The following MAGI1 variants were observed in gnomAD, a reference collection of about 807,000 sequenced individuals.
The protein encoded by MAGI1 is membrane-associated guanylate kinase, WW and PDZ domain-containing protein 1.
A neutral mutation model predicts 139.9 loss-of-function variants in MAGI1; 58 were observed. That is an observed-to-expected ratio of 0.41 (90% CI 0.34 to 0.52). The LOEUF (loss-of-function observed/expected upper bound fraction) is 0.52. Among genes scored for constraint, MAGI1 ranks in the 20% least tolerant of loss-of-function variants. The probability of loss-of-function intolerance (pLI) is 0.12; values close to 1 mark genes in which losing one functional copy is unlikely to be tolerated. For synonymous variants in MAGI1, 812 were observed against 737.9 expected (o/e 1.10, Z -1.63); for missense variants, 1,874 against 1,901.6 (o/e 0.99, Z 0.27).
At chr3:65,872,913 G>A (rs1244989309) in intron 1 of MAGI1, 1 of 152,178 alleles carries the variant, frequency 6.6e-6, no homozygotes, top group East Asian at 1.9e-4. Context: ...TAAGAGGAGA[G>A]CACTGAGTGG....
chr3:65,931,055 T>C (rs944007717), intron 1 of MAGI1, among the ~76,000 whole-genome samples: 9 of 150,922 alleles, frequency 6.0e-5, no homozygotes, highest in Non-Finnish European at 1.5e-5. Context: ...TTTTTTGAGA[T>C]AGAGCCTCAC....
At chr3:66,025,291 C>T (rs945518048) in intron 1 of MAGI1, among the ~76,000 whole-genome samples, 18 of 152,304 alleles carry the variant, frequency 1.2e-4, no homozygotes, top group Admixed American at 9.8e-4. Flanking sequence ...GTAATCCCAG[C>T]ACTTTGGGAG....
chr3:65,861,106 G>A (rs916070302), intron 1 of MAGI1, among the ~76,000 whole-genome samples: 6 of 152,116 alleles, frequency 3.9e-5, no homozygotes, highest in Non-Finnish European at 7.3e-5. Flanking sequence ...CATGGGGCCA[G>A]GGACACACTC....
intron 1 of MAGI1, among the ~76,000 whole-genome samples, chr3:65,705,228 A>G (rs2029978805): frequency 6.6e-6 from 1 of 152,200 alleles, no homozygotes; most frequent in African/African-American, 2.4e-5. Context: ...AAGTACTTTA[A>G]TGTTTTCAGA....
At chr3:65,904,946 C>T (rs2061377747) in intron 1 of MAGI1, among the ~76,000 whole-genome samples, 1 of 152,086 alleles carries the variant, frequency 6.6e-6, no homozygotes, top group African/African-American at 2.4e-5. Flanking sequence ...AAGAAAACGC[C>T]TCATCCTGGA....
chr3:65,790,501 A>G (rs965064786), intron 1 of MAGI1, among the ~76,000 whole-genome samples: 1 of 152,214 alleles, frequency 6.6e-6, no homozygotes, highest in Non-Finnish European at 1.5e-5. Context: ...TAAAAGCCAA[A>G]TTAGATGGCC....
At chr3:65,364,773 G>C in intron 19 of MAGI1, 48 bp from the exon 20 acceptor site, 2 of 1,607,388 alleles carry the variant, frequency 1.2e-6, no homozygotes, top group Non-Finnish European at 1.7e-6. Flanking sequence ...TTAGCAAACT[G>C]AGAAAGAATC....
intron 1 of MAGI1, among the ~76,000 whole-genome samples, chr3:65,888,489 C>T (rs544130345): frequency 6.6e-6 from 1 of 152,228 alleles, no homozygotes; most frequent in African/African-American, 2.4e-5. Context: ...TGTTGGAATA[C>T]ATTGCAAGTT....
chr3:65,659,771 T>G (rs2086089251), intron 1 of MAGI1, among the ~76,000 whole-genome samples: 1 of 152,216 alleles, frequency 6.6e-6, no homozygotes, highest in Non-Finnish European at 1.5e-5. Context: ...GGATATCAGC[T>G]GGAACTGAAG....
intron 2 of MAGI1, among the ~76,000 whole-genome samples, chr3:65,530,425 G>A (rs1006625890): frequency 1.6e-4 from 25 of 151,900 alleles, no homozygotes; most frequent in East Asian, 1.6e-3. Flanking sequence ...ACTAGCCTGG[G>A]CAATGTAATG....
At chr3:65,359,083 A>G (rs1314984397) in intron 22 of MAGI1, 1 of 1,614,026 alleles carries the variant, frequency 6.2e-7, no homozygotes, top group Non-Finnish European at 8.5e-7. Context: ...ATTATGGCCC[A>G]TAAGGTAGAA....
chr3:65,383,431 G>T, intron 15 of MAGI1, 101 bp downstream of exon 15: 1 of 817,730 alleles, frequency 1.2e-6, no homozygotes, highest in Non-Finnish European at 2.1e-6. Flanking sequence ...AGTCAGTGTT[G>T]CATCTAGCTG....
chr3:65,825,659 G>A (rs1430829712), intron 1 of MAGI1, among the ~76,000 whole-genome samples: 1 of 152,176 alleles, frequency 6.6e-6, no homozygotes, highest in Non-Finnish European at 1.5e-5. Context: ...ATTCATCAAT[G>A]AGGAAAGGTG....
chr3:65,664,473 A>G (rs1054334804), intron 1 of MAGI1, among the ~76,000 whole-genome samples: 4 of 152,234 alleles, frequency 2.6e-5, no homozygotes, highest in Non-Finnish European at 4.4e-5. Flanking sequence ...TTACAGACGA[A>G]AAAACTCTGG....
chr3:65,955,552 T>C (rs2064081807), intron 1 of MAGI1, among the ~76,000 whole-genome samples: 1 of 152,072 alleles, frequency 6.6e-6, no homozygotes, highest in Non-Finnish European at 1.5e-5. Context: ...AGTCTATCTA[T>C]TCTAAGGCTC....
rs559947908 is a variant in MAGI1 at position 65,441,958 on chromosome 3, T to C, written c.1136+834A>G. Among the ~76,000 whole-genome samples the C allele has an allele frequency of 3.9e-5, 6 of 152,316 alleles. No individual in the cohort carries two copies. The South Asian group carries it at 1.2e-3, about 32-fold the overall frequency. ...GCATAAAGGAAAGAAAATATGACAGTTACATCTTCAGTGTGGCAGGTACGA... is the reference window on the plus strand; with the variant it reads ...GCATAAAGGAAAGAAAATATGACAGCTACATCTTCAGTGTGGCAGGTACGA... On this transcript the variant is annotated intron_variant, in intron 8 of 22. Coordinates refer to ENST00000402939, the MANE Select transcript of MAGI1 (RefSeq NM_001033057.2).
intron 2 of MAGI1, among the ~76,000 whole-genome samples, chr3:65,612,701 C>T (rs912878418): frequency 6.6e-6 from 1 of 152,014 alleles, no homozygotes; most frequent in Admixed American, 6.6e-5. Context: ...CTATAGAAGC[C>T]AGAAATTTTA....
At chr3:65,975,881 G>C (rs1417109513) in intron 1 of MAGI1, among the ~76,000 whole-genome samples, 1 of 152,130 alleles carries the variant, frequency 6.6e-6, no homozygotes, top group African/African-American at 2.4e-5. Flanking sequence ...AGGGATGGTG[G>C]CAGTGGCTGG....
chr3:65,816,674 T>C (rs181357428), intron 1 of MAGI1, among the ~76,000 whole-genome samples: 19 of 151,678 alleles, frequency 1.3e-4, no homozygotes, highest in Admixed American at 9.9e-4. Flanking sequence ...ATGGAAAATA[T>C]GTCAAATATA....
Sources: allele counts gnomAD v4.1 joint callset (sites outside exome capture counted in the v4.1 genomes callset), GRCh38; gene constraint gnomAD v4.1.1; transcripts MANE v1.5; gene names NCBI Gene and HGNC (gene_info 2026-07-23, HGNC 2026-07-21).